Variants in CTIF observed in about 807,000 individuals in gnomAD.
CTIF encodes CBP80/20-dependent translation initiation factor.
Under a neutral mutation model 66.0 loss-of-function variants are expected in CTIF, and 21 were observed. The observed-to-expected ratio is 0.32, with a 90% CI of 0.23 to 0.46. CTIF has a LOEUF of 0.46. Among genes scored for constraint, CTIF ranks in the 20% least tolerant of loss-of-function variants. CTIF has a pLI of 1.00. For synonymous variants in CTIF, 345 were observed against 326.4 expected (o/e 1.06, Z -0.62); for missense variants, 739 against 812.7 (o/e 0.91, Z 1.10).
intron 2 of CTIF, among the ~76,000 whole-genome samples, chr18:48,626,435 C>T (rs2090600398): frequency 6.6e-6 from 1 of 152,088 alleles, no homozygotes; most frequent in Admixed American, 6.5e-5. Flanking sequence ...GCAACCTCTG[C>T]CTCCCAGGTT....
chr18:48,716,156 G>C (rs1026532981), intron 7 of CTIF, among the ~76,000 whole-genome samples: 1 of 152,238 alleles, frequency 6.6e-6, no homozygotes, highest in African/African-American at 2.4e-5. Flanking sequence ...CTCCTACTGG[G>C]ATTGGTTGGG....
At chr18:48,819,000 G>A (rs55812643) in intron 10 of CTIF, among the ~76,000 whole-genome samples, 13,263 of 152,170 alleles carry the variant, frequency 0.087, 663 homozygotes, top group African/African-American at 0.12. Context: ...TTTAAGAGAA[G>A]GGAGGGAGTG....
At chr18:48,542,952 A>C (rs2088655400) in intron 1 of CTIF, among the ~76,000 whole-genome samples, 1 of 152,212 alleles carries the variant, frequency 6.6e-6, no homozygotes, top group Non-Finnish European at 1.5e-5. Context: ...GTCCCGCCCC[A>C]GCTCAGATGT....
chr18:48,673,149 A>G (rs1341000911), intron 6 of CTIF, among the ~76,000 whole-genome samples: 1 of 152,038 alleles, frequency 6.6e-6, no homozygotes, highest in Non-Finnish European at 1.5e-5. Flanking sequence ...ACCTGCTTAC[A>G]TAACTGCCAG....
At chr18:48,711,773 C>A in intron 7 of CTIF, 78 bp downstream of exon 7, 2 of 1,271,770 alleles carry the variant, frequency 1.6e-6, no homozygotes, top group Non-Finnish European at 2.3e-6. Flanking sequence ...CTTTGGCCTG[C>A]ATTTCGCTTT....
At chr18:48,557,152 G>T (rs774726108) in intron 1 of CTIF, among the ~76,000 whole-genome samples, 2 of 152,122 alleles carry the variant, frequency 1.3e-5, no homozygotes, top group East Asian at 1.9e-4. Flanking sequence ...ATTGTGGCCT[G>T]GGGGTAGGGA....
chr18:48,830,864 C>T (rs2068677708), intron 10 of CTIF, among the ~76,000 whole-genome samples: 1 of 152,100 alleles, frequency 6.6e-6, no homozygotes, highest in African/African-American at 2.4e-5. Flanking sequence ...TCTCAACTAG[C>T]ATGGAAACTC....
intron 11 of CTIF, among the ~76,000 whole-genome samples, chr18:48,857,961 A>G (rs1490868765): frequency 6.6e-6 from 1 of 152,194 alleles, no homozygotes; most frequent in Non-Finnish European, 1.5e-5. Context: ...GAAGTTCCTG[A>G]TTACCTCTGC....
intron 9 of CTIF, among the ~76,000 whole-genome samples, chr18:48,815,902 G>A (rs998787353): frequency 2.7e-5 from 4 of 150,548 alleles, no homozygotes; most frequent in Admixed American, 6.7e-5. Context: ...GAATCTTGGC[G>A]TCATCTTGGA....
intron 7 of CTIF, among the ~76,000 whole-genome samples, chr18:48,718,414 C>T (rs2092301439): frequency 6.6e-6 from 1 of 152,168 alleles, no homozygotes; most frequent in Non-Finnish European, 1.5e-5. Context: ...CTGCCATCTG[C>T]TGCAAGCTAG....
intron 6 of CTIF, among the ~76,000 whole-genome samples, chr18:48,709,741 T>C (rs1230636245): frequency 6.6e-6 from 1 of 152,248 alleles, no homozygotes; most frequent in Non-Finnish European, 1.5e-5. Context: ...GTGTTTTTCC[T>C]TATTTGTGTT....
intron 1 of CTIF, among the ~76,000 whole-genome samples, chr18:48,540,879 C>A (rs941765085): frequency 1.3e-5 from 2 of 152,032 alleles, no homozygotes; most frequent in Non-Finnish European, 2.9e-5. Context: ...GGAGAGGGGA[C>A]CGTGCGGCTG....
At chr18:48,791,619 G>C (rs2067795314) in intron 9 of CTIF, among the ~76,000 whole-genome samples, 2 of 152,006 alleles carry the variant, frequency 1.3e-5, no homozygotes, top group African/African-American at 4.8e-5. Context: ...CAGAGACCCT[G>C]AGGGCCAGCA....
intron 2 of CTIF, 128 bp downstream of exon 2, chr18:48,619,873 G>A: frequency 2.2e-6 from 2 of 928,880 alleles, no homozygotes; most frequent in Non-Finnish European, 3.0e-6. Context: ...CCACCCAGCA[G>A]AGCACCCAGA....
intron 1 of CTIF, among the ~76,000 whole-genome samples, chr18:48,542,234 T>C (rs2088638674): frequency 6.6e-6 from 1 of 152,232 alleles, no homozygotes; most frequent in Non-Finnish European, 1.5e-5. Context: ...CTGTGATACA[T>C]CCAGTTTCTA....
At chr18:48,586,165 G>A (rs1242130655) in intron 1 of CTIF, among the ~76,000 whole-genome samples, 2 of 151,994 alleles carry the variant, frequency 1.3e-5, no homozygotes, top group East Asian at 3.8e-4. Context: ...TAAAATACTC[G>A]TGCCAAATTG....
chr18:48,848,800 C>T (rs2069135170), intron 10 of CTIF, among the ~76,000 whole-genome samples: 1 of 152,252 alleles, frequency 6.6e-6, no homozygotes, highest in African/African-American at 2.4e-5. Flanking sequence ...GGGCCTCCCA[C>T]AGCCACAGCC....
At chr18:48,731,457 C>A (rs987196139) in intron 7 of CTIF, among the ~76,000 whole-genome samples, 4 of 152,178 alleles carry the variant, frequency 2.6e-5, no homozygotes, top group African/African-American at 9.7e-5. Flanking sequence ...ATATTCCCCA[C>A]CCTCTATGCC....
chr18:48,627,286 G>T (rs2090620865), intron 2 of CTIF, among the ~76,000 whole-genome samples: 1 of 152,140 alleles, frequency 6.6e-6, no homozygotes, highest in African/African-American at 2.4e-5. Context: ...GGCTCAGGGG[G>T]CAAAGTCAAG....
Sources: allele counts gnomAD v4.1 joint callset (sites outside exome capture counted in the v4.1 genomes callset), GRCh38; gene constraint gnomAD v4.1.1; transcripts MANE v1.5; gene names NCBI Gene and HGNC (gene_info 2026-07-23, HGNC 2026-07-21).